Variants in TRIM21 observed in about 807,000 individuals in gnomAD.
The protein encoded by TRIM21 is E3 ubiquitin-protein ligase TRIM21.
In TRIM21, 35 loss-of-function variants were observed where a neutral mutation model predicts 36.1. The ratio of observed to expected loss-of-function variants is 0.97; its 90% CI spans 0.74 to 1.28. The LOEUF (loss-of-function observed/expected upper bound fraction) is 1.28, where lower values mean the gene tolerates loss of function less well. Among genes scored for constraint, TRIM21 ranks in the 50% most tolerant of loss-of-function variants. The pLI, the probability that TRIM21 is intolerant of heterozygous loss-of-function variation, is 0.00. For missense variants in TRIM21, 635 were observed against 570.7 expected, an observed-to-expected ratio of 1.11 and a Z score of -1.15; for synonymous variants, 256 against 211.5, an observed-to-expected ratio of 1.21 and a Z score of -1.83.
At chr11:4,390,680 T>C (rs531499071) in intron 1 of TRIM21, among the ~76,000 whole-genome samples, 3 of 152,270 alleles carry the variant, frequency 2.0e-5, no homozygotes, top group African/African-American at 7.2e-5. Context: ...CGTCAAATTA[T>C]ACTGTAGAGC....
chr11:4,389,730 A>T lies in TRIM21; in HGVS notation c.428T>A (p.Leu143Ter). 1 of 1,613,876 alleles carries T rather than the reference A, an allele frequency of 6.2e-7. No individual in the cohort carries two copies. The highest frequency in any genetic ancestry group is 8.5e-7 in the Non-Finnish European group (1 of 1,179,854). The change falls in exon 3 of 7, where the codon TTA becomes TAA. Residue 143 changes from leucine (L) to a stop codon, truncating the protein, a stop_gained. Coordinates refer to ENST00000254436, the MANE Select transcript of TRIM21 (RefSeq NM_003141.4). LOFTEE classifies it high-confidence loss of function. ...QEYQEKLQVA[L>*]GELRRKQELA... ...CTCCTGCTTTCTTCTCAGTTCCCCTAATGCCACCTGGAGCTTCTCCTGCAG... is the reference window on the plus strand; with the variant it reads ...CTCCTGCTTTCTTCTCAGTTCCCCTTATGCCACCTGGAGCTTCTCCTGCAG...
rs1355845547 is a variant in TRIM21 at position 4,388,475 on chromosome 11, T to G, written c.560A>C (p.Asn187Thr). ...CCTCTGTTCTTCTTCAACCAGGAAGTTTTTTTGCTGCACAAACTCTGCGTG... is the reference window on the plus strand; with the variant it reads ...CCTCTGTTCTTCTTCAACCAGGAAGGTTTTTTGCTGCACAAACTCTGCGTG... ...RIHAEFVQQK[N>T]FLVEEEQRQL... The change falls in exon 4 of 7, where the codon AAC becomes ACC. Residue 187 changes from asparagine (N) to threonine (T), a missense_variant. Asn to Thr is a moderately conservative substitution (Grantham distance 65). Coordinates refer to ENST00000254436, the MANE Select transcript of TRIM21 (RefSeq NM_003141.4). 6.2e-7 allele frequency: 1 copy of G among 1,612,994 alleles called. No homozygotes were observed.
rs1355845547 is a variant in TRIM21, at chr11:4,388,475, T to A, written c.560A>T (p.Asn187Ile). Residue 187 changes from asparagine to isoleucine, a missense_variant, in exon 4 of 7, where the codon AAC becomes ATC. Asn to Ile is a moderately radical substitution (Grantham distance 149). Transcript: ENST00000254436. Reference sequence around the variant, plus strand: ...CCTCTGTTCTTCTTCAACCAGGAAGTTTTTTTGCTGCACAAACTCTGCGTG... The same window carrying A: ...CCTCTGTTCTTCTTCAACCAGGAAGATTTTTTGCTGCACAAACTCTGCGTG... The part of the protein sequence containing the change: ...RIHAEFVQQK[N>I]FLVEEEQRQL... 1 of 1,613,112 alleles carries A rather than the reference T, an allele frequency of 6.2e-7. No homozygotes were observed.
chr11:4,386,927 T>A (rs773666027), intron 5 of TRIM21, 41 bp downstream of exon 5: 14 of 1,568,096 alleles, frequency 8.9e-6, no homozygotes, highest in Non-Finnish European at 1.2e-5. Context: ...CATATATGCT[T>A]TCTGCTGGCC....
Position 4,389,738 on chromosome 11 carries a change from C to T in TRIM21, c.420G>A (p.Gln140=). ...EAAQEYQEKL[Q]VALGELRRKQ... is the part of the protein sequence containing the mutation. ...TTCTTCTCAGTTCCCCTAATGCCAC[C>T]TGGAGCTTCTCCTGCAGAGAAAGAC... Residue 140 remains glutamine, a synonymous_variant, in exon 3 of 7, where the codon CAG becomes CAA. Coordinates refer to ENST00000254436, the MANE Select transcript of TRIM21 (RefSeq NM_003141.4). 1 of 1,613,948 alleles carries T rather than the reference C, an allele frequency of 6.2e-7. No individual in the cohort carries two copies. The highest frequency in any genetic ancestry group is 8.5e-7 in the Non-Finnish European group (1 of 1,179,866).
At position 4,385,709 on chromosome 11, in the gene TRIM21, T is replaced by C; in HGVS notation, c.1004A>G (p.Gln335Arg). ...GTAATGTTTTCCAGAGTGAAAGTGC[T>C]GGGCACCCAGGACCATAGGATAACT... Reference protein sequence around the residue: ...FDSYPMVLGAQHFHSGKHYWE... With the variant: ...FDSYPMVLGARHFHSGKHYWE... The change falls in exon 7 of 7, where the codon CAG becomes CGG. Residue 335 changes from glutamine (Q) to arginine (R), a missense_variant. By Grantham distance (43) the Gln-to-Arg change is conservative. Transcript: ENST00000254436. The C allele has an allele frequency of 6.2e-7, 1 of 1,613,326 alleles. No homozygotes were observed.
Position 4,390,016 on chromosome 11 carries a change from C to T in TRIM21, c.394G>A (p.Ala132Thr), listed in dbSNP as rs1164917569. 3 of 1,613,812 alleles carry T rather than the reference C, an allele frequency of 1.9e-6. No individual in the cohort carries two copies. The highest frequency in any genetic ancestry group is 2.2e-5 in the South Asian group (2 of 91,044). The change falls in exon 2 of 7, where the codon GCA becomes ACA. Residue 132 changes from alanine to threonine, a missense_variant. Coordinates refer to ENST00000254436, the MANE Select transcript of TRIM21 (RefSeq NM_003141.4). Reference protein sequence around the residue: ...DHAMVPLEEAAQEYQEKLQVA... With the variant: ...DHAMVPLEEATQEYQEKLQVA... ...TTAGGCCTCACCTGGTACTCCTGTGCAGCCTCCTCAAGAGGGACCATGGCG... is the reference window on the plus strand; with the variant it reads ...TTAGGCCTCACCTGGTACTCCTGTGTAGCCTCCTCAAGAGGGACCATGGCG...
Position 4,390,144 on chromosome 11 carries a change from C to T in TRIM21, c.266G>A (p.Gly89Glu). 1 of 1,614,046 alleles carries T rather than the reference C, an allele frequency of 6.2e-7. No individual in the cohort carries two copies. The highest frequency in any genetic ancestry group is 8.5e-7 in the Non-Finnish European group (1 of 1,179,898). ...CTCTCCATGCACTGCACACCGTTCCCCCTGTGTGCCCTCTCTGGCCTCCTG... is the reference window on the plus strand; with the variant it reads ...CTCTCCATGCACTGCACACCGTTCCTCCTGTGTGCCCTCTCTGGCCTCCTG... ...ISQEAREGTQ[G>E]ERCAVHGERL... The change falls in exon 2 of 7, where the codon GGG becomes GAG. Residue 89 changes from glycine to glutamate, a missense_variant. Physicochemically the swap from Gly to Glu is moderately conservative, Grantham distance 98. Coordinates refer to ENST00000254436, the MANE Select transcript of TRIM21 (RefSeq NM_003141.4).
rs752823878 is a variant in TRIM21, at chr11:4,389,679, A to T, written c.479T>A (p.Ile160Asn). ...CTTCCAGTCTGCTCTCTTTATTGCA[A>T]TTTCCACTTCCAACTTCTCAGCCAA... ...QELAEKLEVE[I>N]AIKRADWKKT... Residue 160 changes from isoleucine to asparagine, a missense_variant, in exon 3 of 7, where the codon ATT becomes AAT. By Grantham distance (149) the Ile-to-Asn change is moderately radical. Transcript: ENST00000254436. 17 of 1,613,650 alleles carry T rather than the reference A, an allele frequency of 1.1e-5. No homozygotes were observed. Among genetic ancestry groups the T allele is most frequent in the Non-Finnish European group, 1.4e-5 (16 of 1,179,826 alleles).
intron 1 of TRIM21, among the ~76,000 whole-genome samples, chr11:4,392,269 A>G (rs1335953609): frequency 6.6e-6 from 1 of 152,216 alleles, no homozygotes; most frequent in Non-Finnish European, 1.5e-5. Context: ...AATAAAAAAT[A>G]AGAATAAAAA....
rs536288600 is a variant in TRIM21 at position 4,391,713 on chromosome 11, G to A, written c.-49-1255C>T. On this transcript the variant is annotated intron_variant, in intron 1 of 6. Coordinates refer to ENST00000254436, the MANE Select transcript of TRIM21 (RefSeq NM_003141.4). ...CAGATATATGGATAAAGAAAATGTGGTATGTATACACAATGGAGTACTGTT... is the reference window on the plus strand; with the variant it reads ...CAGATATATGGATAAAGAAAATGTGATATGTATACACAATGGAGTACTGTT... Among the ~76,000 whole-genome samples, 12 of 152,240 alleles carry A rather than the reference G, an allele frequency of 7.9e-5. No individual in the cohort carries two copies. In the South Asian group the frequency reaches 2.3e-3, roughly 29 times the overall value.
chr11:4,388,176 A>T, intron 4 of TRIM21, 124 bp downstream of exon 4: 1 of 854,618 alleles, frequency 1.2e-6, no homozygotes. Context: ...ATGGGTTTGA[A>T]TTCTACTTCA....
chr11:4,393,473 G>T (rs1360802562), intron 1 of TRIM21, among the ~76,000 whole-genome samples, 160 bp downstream of exon 1: 1 of 152,198 alleles, frequency 6.6e-6, no homozygotes, highest in African/African-American at 2.4e-5. Context: ...GGCCAGCACC[G>T]GAAGCGCAGC....
chr11:4,393,459 AG>A (rs983220802), intron 1 of TRIM21, among the ~76,000 whole-genome samples, 173 bp downstream of exon 1: 1 of 152,096 alleles, frequency 6.6e-6, no homozygotes, highest in African/African-American at 2.4e-5. Context: ...CCTCCCAAGC[AG>A]GGGGCCAGCA....
intron 1 of TRIM21, among the ~76,000 whole-genome samples, 180 bp downstream of exon 1, chr11:4,393,453 C>A (rs899201227): frequency 2.6e-5 from 4 of 152,162 alleles, no homozygotes; most frequent in Admixed American, 6.5e-5. Flanking sequence ...CAGCCTCCTC[C>A]CAAGCAGGGG....
intron 5 of TRIM21, 102 bp downstream of exon 5, chr11:4,386,866 T>C (rs2094956796): frequency 2.4e-6 from 3 of 1,227,330 alleles, no homozygotes; most frequent in Non-Finnish European, 3.4e-6. Flanking sequence ...GGAAGCCAGA[T>C]GGGGAAAACT....
chr11:4,392,089 A>G lies in TRIM21; in HGVS notation c.-50+1544T>C, dbSNP rs902054613. Among the ~76,000 whole-genome samples the G allele has an allele frequency of 8.5e-5, 13 of 152,266 alleles. No individual in the cohort carries two copies. In the South Asian group the frequency reaches 1.0e-3, roughly 12 times the overall value. ...ATAAGAGTATAATTGCATAGTTTGT[A>G]TTACAGATGATCAATGCTTGAGGTG... is the stretch of plus-strand genomic sequence containing the variant. On this transcript the variant is annotated intron_variant, in intron 1 of 6. Coordinates refer to ENST00000254436, the MANE Select transcript of TRIM21 (RefSeq NM_003141.4).
intron 3 of TRIM21, among the ~76,000 whole-genome samples, chr11:4,388,958 T>C (rs182386238): frequency 4.6e-5 from 7 of 152,228 alleles, no homozygotes; most frequent in Non-Finnish European, 1.0e-4. Flanking sequence ...CTCTAAGTCC[T>C]GGGAAAGGGG....
In TRIM21 at chr11:4,385,060, T is replaced by C; in HGVS notation, c.*225A>G. 5 of 498,444 alleles carry C rather than the reference T, an allele frequency of 1.0e-5. No individual in the cohort carries two copies. The highest frequency in any genetic ancestry group is 1.8e-5 in the Non-Finnish European group (5 of 284,818). The allele number at this position is 498,444 out of a possible 1,614,324, so 30.9% of individuals were successfully genotyped here. A position where few individuals can be genotyped will look rare whatever the true frequency, so the allele number is the denominator to read the frequency against. On this transcript the variant is annotated 3_prime_UTR_variant, in exon 7 of 7. Coordinates refer to ENST00000254436, the MANE Select transcript of TRIM21 (RefSeq NM_003141.4). The stretch of plus-strand genomic sequence containing the variant: ...GAAACATGTTTTTGGTTGATCAAGA[T>C]GAGTTTGGGCCAAATATAAGGAGGC...
Sources: allele counts gnomAD v4.1 joint callset (sites outside exome capture counted in the v4.1 genomes callset), GRCh38; gene constraint gnomAD v4.1.1; transcripts MANE v1.5; gene names NCBI Gene and HGNC (gene_info 2026-07-23, HGNC 2026-07-21).